The following KCNH5 variants were observed in gnomAD, a reference collection of about 807,000 sequenced individuals.
KCNH5 encodes voltage-gated delayed rectifier potassium channel KCNH5.
Under a neutral mutation model 96.1 loss-of-function variants are expected in KCNH5, and 46 were observed. The observed-to-expected ratio is 0.48, with a 90% CI of 0.38 to 0.61. The LOEUF is 0.61. KCNH5 is among the 20% of genes least tolerant of loss of function. The probability of loss-of-function intolerance (pLI) is 0.00; values close to 1 mark genes in which losing one functional copy is unlikely to be tolerated. For synonymous variants in KCNH5, 439 were observed against 449.8 expected (o/e 0.98, Z 0.30); for missense variants, 907 against 1,225.8 (o/e 0.74, Z 3.88).
At chr14:62,816,810 T>C (rs1190674079) in intron 8 of KCNH5, among the ~76,000 whole-genome samples, 1 of 151,682 alleles carries the variant, frequency 6.6e-6, no homozygotes, top group African/African-American at 2.4e-5. Context: ...AAGTGAACCA[T>C]TTCCATAAGC....
Position 63,045,277 on chromosome 14 carries a change from G to A in KCNH5, c.-91C>T. On this transcript the variant is annotated 5_prime_UTR_variant, in exon 1 of 11. Coordinates refer to ENST00000322893, the MANE Select transcript of KCNH5 (RefSeq NM_139318.5). Reference sequence around the variant, plus strand: ...GGAGGAAGAGGAGGAAAAGGTGGAAGAGAAGATTGAGCCGAAAGAAGAGGG... The same window carrying A: ...GGAGGAAGAGGAGGAAAAGGTGGAAAAGAAGATTGAGCCGAAAGAAGAGGG... The A allele has an allele frequency of 9.6e-7, 1 of 1,042,226 alleles. No individual in the cohort carries two copies. The highest frequency in any genetic ancestry group is 1.5e-6 in the Non-Finnish European group (1 of 679,980). The allele number at this position is 1,042,226 out of a possible 1,614,324, so 64.6% of individuals were successfully genotyped here. A position where few individuals can be genotyped will look rare whatever the true frequency, so the allele number is the denominator to read the frequency against.
rs140331213 is a variant in KCNH5 at position 62,707,918 on chromosome 14, C to T, written c.2557G>A (p.Val853Met). 4.5e-5 allele frequency: 73 copies of T among 1,614,216 alleles called. No individual in the cohort carries two copies. Among genetic ancestry groups the T allele is most frequent in the Non-Finnish European group, 6.0e-5 (71 of 1,180,040 alleles). ...GTTTTTCTTAGTGGGTTTTTGGTCA[C>T]ACTGTTCTCTGAATCACTGCTCTTG... ...DPKSSDSENS[V>M]TKNPLRKTDS... Residue 853 changes from valine to methionine, a missense_variant, in exon 11 of 11, where the codon GTG (valine) becomes ATG (methionine). Physicochemically the swap from Val to Met is conservative, Grantham distance 21. Transcript: ENST00000322893.
intron 8 of KCNH5, among the ~76,000 whole-genome samples, chr14:62,831,449 T>G (rs765047300): frequency 7.2e-5 from 11 of 152,148 alleles, no homozygotes; most frequent in Non-Finnish European, 1.6e-4. Flanking sequence ...AGCACTGGGT[T>G]TTTTAGTTGT....
chr14:62,729,854 C>G (rs1047714953), intron 10 of KCNH5, among the ~76,000 whole-genome samples: 2 of 152,164 alleles, frequency 1.3e-5, no homozygotes, highest in Non-Finnish European at 2.9e-5. Flanking sequence ...AAGTGAAGCA[C>G]CAGTACATCT....
At chr14:63,020,241 T>A (rs925437862) in intron 1 of KCNH5, among the ~76,000 whole-genome samples, 1 of 152,120 alleles carries the variant, frequency 6.6e-6, no homozygotes, top group Non-Finnish European at 1.5e-5. Context: ...GTATGATCAC[T>A]TTGGAAAACA....
At chr14:62,861,497 G>C (rs1158272814) in intron 7 of KCNH5, among the ~76,000 whole-genome samples, 1 of 152,024 alleles carries the variant, frequency 6.6e-6, no homozygotes, top group Non-Finnish European at 1.5e-5. Flanking sequence ...TATTTTTATA[G>C]ATTCAAGGAA....
At chr14:62,708,501 G>A in intron 10 of KCNH5, 46 bp from the exon 11 acceptor site, 2 of 1,235,664 alleles carry the variant, frequency 1.6e-6, no homozygotes, top group Non-Finnish European at 2.3e-6. Context: ...AAAAGCAGAT[G>A]GATTAACAGT....
chr14:62,867,969 G>A (rs1200885729), intron 7 of KCNH5, among the ~76,000 whole-genome samples: 1 of 152,198 alleles, frequency 6.6e-6, no homozygotes, highest in Admixed American at 6.5e-5. Flanking sequence ...ACCTGACATT[G>A]GATTGTGAAT....
At chr14:62,799,709 A>G (rs1595627655) in intron 9 of KCNH5, among the ~76,000 whole-genome samples, 2 of 107,602 alleles carry the variant, frequency 1.9e-5, no homozygotes, top group African/African-American at 6.5e-5. Context: ...ATATATATAT[A>G]TATATATATA....
intron 8 of KCNH5, among the ~76,000 whole-genome samples, chr14:62,810,676 G>T (rs1260352696): frequency 6.6e-6 from 1 of 152,108 alleles, no homozygotes; most frequent in East Asian, 1.9e-4. Context: ...ATGTCAGGAA[G>T]TTACTCTATA....
At chr14:63,009,987 G>A (rs1041749070) in intron 2 of KCNH5, among the ~76,000 whole-genome samples, 4 of 152,062 alleles carry the variant, frequency 2.6e-5, no homozygotes, top group African/African-American at 4.8e-5. Flanking sequence ...AATATGTAAC[G>A]GAAATATTTT....
At chr14:62,741,340 C>A (rs1051216555) in intron 10 of KCNH5, among the ~76,000 whole-genome samples, 1 of 152,112 alleles carries the variant, frequency 6.6e-6, no homozygotes, top group Non-Finnish European at 1.5e-5. Flanking sequence ...AGGGAAATCT[C>A]GTGATATTGC....
intron 8 of KCNH5, among the ~76,000 whole-genome samples, chr14:62,819,917 T>C (rs1887079287): frequency 6.6e-6 from 1 of 152,200 alleles, no homozygotes; most frequent in Non-Finnish European, 1.5e-5. Context: ...TCAAAATTAA[T>C]TTGCACTATC....
intron 6 of KCNH5, among the ~76,000 whole-genome samples, chr14:62,966,191 T>C (rs1484626122): frequency 2.0e-5 from 3 of 152,196 alleles, no homozygotes; most frequent in African/African-American, 7.2e-5. Context: ...AAGTGCACAC[T>C]GGGCATTTGA....
chr14:62,975,232 G>A (rs753937089), intron 6 of KCNH5, among the ~76,000 whole-genome samples: 5 of 152,040 alleles, frequency 3.3e-5, no homozygotes, highest in Admixed American at 6.6e-5. Context: ...ATATTAAGGC[G>A]CATACATATA....
chr14:62,726,034 T>C (rs1884917061), intron 10 of KCNH5, among the ~76,000 whole-genome samples: 1 of 152,180 alleles, frequency 6.6e-6, no homozygotes, highest in Non-Finnish European at 1.5e-5. Context: ...AAGATAATAC[T>C]GCAGTACACA....
Position 62,802,550 on chromosome 14 carries a change from GCT to G in KCNH5, c.1599_1600del (p.Arg533SerfsTer2). 6.2e-7 allele frequency: 1 copy of G among 1,614,110 alleles called. No homozygotes were observed. Among genetic ancestry groups the G allele is most frequent in the Non-Finnish European group, 8.5e-7 (1 of 1,179,984 alleles). On this transcript the variant is annotated frameshift_variant, in exon 9 of 11. Transcript: ENST00000322893. LOFTEE classifies it high-confidence loss of function. The stretch of plus-strand genomic sequence containing the variant: ...CCGGTTTAGATGAACACAGATATCA[GCT>G]CTCATGTCCTTGGGACAGATGGAGA...
At chr14:62,963,032 G>A (rs1020718559) in intron 6 of KCNH5, among the ~76,000 whole-genome samples, 2 of 152,050 alleles carry the variant, frequency 1.3e-5, no homozygotes, top group Non-Finnish European at 2.9e-5. Context: ...CTAAAGCTAG[G>A]TCACAATGCC....
chr14:63,001,035 A>G (rs1182628554), intron 4 of KCNH5, among the ~76,000 whole-genome samples: 4 of 152,218 alleles, frequency 2.6e-5, no homozygotes, highest in African/African-American at 7.2e-5. Flanking sequence ...AAATGACACC[A>G]CTACACTCCA....
Sources: allele counts gnomAD v4.1 joint callset (sites outside exome capture counted in the v4.1 genomes callset), GRCh38; gene constraint gnomAD v4.1.1; transcripts MANE v1.5; gene names NCBI Gene and HGNC (gene_info 2026-07-23, HGNC 2026-07-21).